PRKD1: variants seen among roughly 807,000 people sequenced by gnomAD.
The protein encoded by PRKD1 is serine/threonine-protein kinase D1.
A neutral mutation model predicts 95.9 loss-of-function variants in PRKD1; 63 were observed. The ratio of observed to expected loss-of-function variants is 0.66; its 90% confidence interval spans 0.54 to 0.81. The LOEUF is 0.81. Among genes scored for constraint, PRKD1 ranks in the 30% least tolerant of loss-of-function variants. The pLI is 0.00. For missense variants in PRKD1, 1,048 were observed against 1,165.3 expected, an observed-to-expected ratio of 0.90 and a Z score of 1.47; for synonymous variants, 425 against 423.1, an observed-to-expected ratio of 1.00 and a Z score of -0.05.
chr14:29,846,977 A>G (rs1220325432), intron 1 of PRKD1, among the ~76,000 whole-genome samples: 1 of 152,198 alleles, frequency 6.6e-6, no homozygotes, highest in African/African-American at 2.4e-5. Flanking sequence ...TCAGGCTACA[A>G]ATAGAGACCA....
chr14:29,614,007 A>G (rs902413478), intron 13 of PRKD1, among the ~76,000 whole-genome samples: 1 of 152,244 alleles, frequency 6.6e-6, no homozygotes, highest in Non-Finnish European at 1.5e-5. Context: ...AACAGTCCAC[A>G]CATACTCTTC....
intron 1 of PRKD1, among the ~76,000 whole-genome samples, chr14:29,847,301 C>A (rs1286987576): frequency 6.6e-6 from 1 of 152,180 alleles, no homozygotes; most frequent in Non-Finnish European, 1.5e-5. Context: ...CTAAACAACT[C>A]ATCACTCAGC....
intron 16 of PRKD1, 76 bp from the exon 17 acceptor site, chr14:29,578,436 C>G: frequency 9.4e-7 from 1 of 1,065,010 alleles, no homozygotes; most frequent in South Asian, 1.5e-5. Context: ...TATTTCACAT[C>G]TGCTATTTCA....
chr14:29,826,844 C>CACACACATATATATAT (rs1323754040), intron 1 of PRKD1, among the ~76,000 whole-genome samples: 1 of 28,668 alleles, frequency 3.5e-5, no homozygotes, highest in African/African-American at 1.2e-4. Context: ...TATATACACA[C>CACACACATATATATAT]ATATATATAT....
chr14:29,846,861 G>C (rs1892098114), intron 1 of PRKD1, among the ~76,000 whole-genome samples: 2 of 152,166 alleles, frequency 1.3e-5, no homozygotes, highest in Admixed American at 1.3e-4. Context: ...CTGATGAACT[G>C]GATATGGGAT....
intron 4 of PRKD1, among the ~76,000 whole-genome samples, chr14:29,643,373 T>A (rs190916303): frequency 1.3e-5 from 2 of 152,202 alleles, no homozygotes; most frequent in Non-Finnish European, 2.9e-5. Flanking sequence ...ATAAAAATTA[T>A]GAAGATCAAT....
intron 1 of PRKD1, among the ~76,000 whole-genome samples, chr14:29,763,554 G>A (rs1378620217): frequency 6.6e-6 from 1 of 152,018 alleles, no homozygotes; most frequent in Non-Finnish European, 1.5e-5. Context: ...CCTTGTGATT[G>A]TTGTTAATGT....
chr14:29,578,543 T>TAAA (rs992449669), intron 16 of PRKD1, among the ~76,000 whole-genome samples, 183 bp from the exon 17 acceptor site: 1,560 of 41,908 alleles, frequency 0.037, 15 homozygotes, highest in Non-Finnish European at 0.047. Context: ...TTTTGGATAC[T>TAAA]AAAAAAAAAA....
At position 29,636,340 on chromosome 14, in the gene PRKD1, G is replaced by C. The variant is rs55831426; in HGVS notation, c.1140C>G (p.Gly380=). The part of the protein sequence containing the change: ...MAMAECQNDS[G]EMQDPDPDHE... ...GGTCTGGGTCTGGATCTTGCATCTC[G>C]CCACTGTCGTTCTGGCACTCTGCCA... is the stretch of plus-strand genomic sequence containing the variant. Residue 380 remains glycine, a synonymous_variant, in exon 7 of 18, where the codon GGC becomes GGG. Transcript: ENST00000331968. 6.2e-7 allele frequency: 1 copy of C among 1,614,146 alleles called. No individual in the cohort carries two copies. The highest frequency in any genetic ancestry group is 8.5e-7 in the Non-Finnish European group (1 of 1,180,036).
chr14:29,768,582 C>T (rs574970397), intron 1 of PRKD1, among the ~76,000 whole-genome samples: 15 of 152,228 alleles, frequency 9.9e-5, no homozygotes, highest in Admixed American at 9.2e-4. Flanking sequence ...AGGATCCCCA[C>T]ATGTGTATCT....
chr14:29,617,943 T>C (rs2139069700), intron 13 of PRKD1, among the ~76,000 whole-genome samples: 2 of 152,040 alleles, frequency 1.3e-5, no homozygotes, highest in East Asian at 1.9e-4. Context: ...TGGTGGGGCA[T>C]GCCTGTAGTT....
intron 16 of PRKD1, among the ~76,000 whole-genome samples, chr14:29,585,882 G>C (rs867794046): frequency 1.7e-4 from 26 of 152,202 alleles, no homozygotes; most frequent in Admixed American, 2.0e-4. Context: ...AGAGGATATT[G>C]ATATTTGTAT....
intron 1 of PRKD1, among the ~76,000 whole-genome samples, chr14:29,747,601 G>A (rs373535707): frequency 2.6e-5 from 4 of 151,904 alleles, no homozygotes; most frequent in East Asian, 3.9e-4. Flanking sequence ...TACATACAAC[G>A]TAATATTATT....
chr14:29,857,175 G>T (rs1892538207), intron 1 of PRKD1, among the ~76,000 whole-genome samples: 1 of 152,022 alleles, frequency 6.6e-6, no homozygotes, highest in Non-Finnish European at 1.5e-5. Flanking sequence ...GCATACTTAG[G>T]CAGTCAGAAA....
intron 1 of PRKD1, among the ~76,000 whole-genome samples, chr14:29,903,118 C>T (rs1433654821): frequency 6.6e-6 from 1 of 152,130 alleles, no homozygotes; most frequent in African/African-American, 2.4e-5. Flanking sequence ...ATAGGAATGG[C>T]TCAAGAGACG....
chr14:29,902,302 C>G (rs535052648), intron 1 of PRKD1, among the ~76,000 whole-genome samples: 1 of 151,440 alleles, frequency 6.6e-6, no homozygotes, highest in Non-Finnish European at 1.5e-5. Flanking sequence ...TTTTCATGGT[C>G]AAAATCTCTG....
At chr14:29,622,684 T>C (rs1050676076) in intron 13 of PRKD1, among the ~76,000 whole-genome samples, 1 of 152,118 alleles carries the variant, frequency 6.6e-6, no homozygotes, top group Non-Finnish European at 1.5e-5. Context: ...ATTACAGGCG[T>C]GAGCCATCTC....
chr14:29,798,376 G>T (rs1384417554), intron 1 of PRKD1, among the ~76,000 whole-genome samples: 2 of 152,154 alleles, frequency 1.3e-5, no homozygotes, highest in Admixed American at 6.5e-5. Context: ...ATGTATACTT[G>T]CATCTGTGGT....
At chr14:29,790,256 C>T (rs1019652257) in intron 1 of PRKD1, among the ~76,000 whole-genome samples, 3 of 151,848 alleles carry the variant, frequency 2.0e-5, no homozygotes, top group Non-Finnish European at 4.4e-5. Context: ...GTGACCTGCC[C>T]GCCTCAGCCT....
Sources: allele counts gnomAD v4.1 joint callset (sites outside exome capture counted in the v4.1 genomes callset), GRCh38; gene constraint gnomAD v4.1.1; transcripts MANE v1.5; gene names NCBI Gene and HGNC (gene_info 2026-07-23, HGNC 2026-07-21).